TOR1AIP2: variants seen among roughly 807,000 people sequenced by gnomAD.
The protein encoded by TOR1AIP2 is torsin-1A-interacting protein 2.
Under a neutral mutation model 32.6 loss-of-function variants are expected in TOR1AIP2, and 20 were observed. The observed-to-expected ratio is 0.61, with a 90% CI of 0.43 to 0.89. The LOEUF (loss-of-function observed/expected upper bound fraction) is 0.89. TOR1AIP2 is among the 40% of genes least tolerant of loss of function. TOR1AIP2 has a pLI of 0.00. For synonymous variants in TOR1AIP2, 214 were observed against 210.8 expected, an observed-to-expected ratio of 1.02 and a Z score of -0.13; for missense variants, 456 against 553.8, an observed-to-expected ratio of 0.82 and a Z score of 1.77.
intron 3 of TOR1AIP2, chr1:179,859,711 G>A (rs1696443619): frequency 1.0e-5 from 10 of 985,310 alleles, no homozygotes; most frequent in Middle Eastern, 5.2e-4. Context: ...ATCTGCCTTC[G>A]GTCATCCATC....
chr1:179,862,667 C>G, intron 3 of TOR1AIP2: 2 of 985,112 alleles, frequency 2.0e-6, no homozygotes, highest in Non-Finnish European at 2.4e-6. Flanking sequence ...GGTGGCTATG[C>G]CTGTAATCCC....
chr1:179,850,671 C>G (rs996336991), intron 5 of TOR1AIP2, among the ~76,000 whole-genome samples, 174 bp downstream of exon 5: 1 of 152,198 alleles, frequency 6.6e-6, no homozygotes, highest in African/African-American at 2.4e-5. Context: ...AGATGAGAAA[C>G]CTCATTCTAA....
rs145396263 is a variant in TOR1AIP2 at position 179,870,223 on chromosome 1, C to T, written c.-565-4369G>A. ...CATCCTGGCTAACACATGGTGAAAC[C>T]CTGTCTCTACTAAAAATACAAAAAA... On this transcript the variant is annotated intron_variant, in intron 2 of 6. Transcript: ENST00000609928. Among the ~76,000 whole-genome samples, 1,405 of 152,152 alleles carry T rather than the reference C, an allele frequency of 9.2e-3. 19 individuals are homozygous for T. The highest frequency in any genetic ancestry group is 0.032 in the African/African-American group (1,339 of 41,506).
At chr1:179,865,019 T>A (rs538522565) in intron 3 of TOR1AIP2, 28 of 1,614,038 alleles carry the variant, frequency 1.7e-5, no homozygotes, top group Non-Finnish European at 1.0e-5. Context: ...ATTATCAGGA[T>A]AACACTCAGG....
chr1:179,857,619 T>A (rs1365654945), intron 3 of TOR1AIP2, among the ~76,000 whole-genome samples: 1 of 152,174 alleles, frequency 6.6e-6, no homozygotes, highest in East Asian at 1.9e-4. Context: ...TAGGTGACAT[T>A]GTGTGGTATA....
Position 179,850,882 on chromosome 1 carries a change from C to T in TOR1AIP2, c.516G>A (p.Glu172=), listed in dbSNP as rs1696089701. ...QSPGHSSAGQ[E]GEDTLRRRLL... is the part of the protein sequence containing the mutation. ...GTCGCCTCCTCAGTGTATCCTCACC[C>T]TCTTGCCCTGCACTGGAATGACCAG... The change falls in exon 5 of 7, where the codon GAG becomes GAA. Residue 172 remains glutamate (E), a synonymous_variant. Coordinates refer to ENST00000609928, the MANE Select transcript of TOR1AIP2 (RefSeq NM_001199260.2). 1 of 1,614,094 alleles carries T rather than the reference C, an allele frequency of 6.2e-7. No individual in the cohort carries two copies.
chr1:179,862,311 A>T (rs530064881), intron 3 of TOR1AIP2: 2 of 983,476 alleles, frequency 2.0e-6, no homozygotes, highest in African/African-American at 3.5e-5. Context: ...ATTTAGGGGC[A>T]ATAATACTGA....
intron 3 of TOR1AIP2, chr1:179,864,522 A>T (rs1485117751): frequency 8.5e-7 from 1 of 1,181,926 alleles, no homozygotes; most frequent in East Asian, 4.2e-5. Context: ...GTTAGTTCCA[A>T]AACAGTTTAT....
chr1:179,853,616 TTA>T (rs143577407), intron 3 of TOR1AIP2, among the ~76,000 whole-genome samples: 26 of 152,240 alleles, frequency 1.7e-4, no homozygotes, highest in African/African-American at 5.3e-4. Context: ...GTGTGAAGTG[TTA>T]TAGTTTTTTG....
chr1:179,860,332 A>T, intron 3 of TOR1AIP2: 1 of 752,262 alleles, frequency 1.3e-6, no homozygotes, highest in South Asian at 6.0e-5. Context: ...AAATAAAAAA[A>T]TTAGCTGGGC....
At chr1:179,868,339 C>T (rs1400815973) in intron 2 of TOR1AIP2, 1 of 152,144 alleles carries the variant, frequency 6.6e-6, no homozygotes, top group African/African-American at 2.4e-5. Context: ...AATATAAACT[C>T]CCTGAAAGCA....
intron 3 of TOR1AIP2, chr1:179,859,905 G>A: frequency 1.1e-6 from 1 of 880,804 alleles, no homozygotes; most frequent in South Asian, 5.2e-5. Flanking sequence ...ATAGCTCACT[G>A]CAGCCTCAAG....
At chr1:179,863,518 C>G (rs1308961729) in intron 3 of TOR1AIP2, 1 of 984,640 alleles carries the variant, frequency 1.0e-6, no homozygotes, top group East Asian at 1.1e-4. Context: ...AAAAAAAAAC[C>G]TAACGATAAA....
Position 179,865,637 on chromosome 1 carries a change from CT to C in TOR1AIP2, c.-349del, listed in dbSNP as rs1359773490. 6.4e-6 allele frequency: 1 copy of C among 155,900 alleles called. No individual in the cohort carries two copies. Among genetic ancestry groups the C allele is most frequent in the African/African-American group, 2.4e-5 (1 of 41,528 alleles). 9.7% of individuals were successfully genotyped at this position (155,900 alleles called of 1,614,324 possible). A position where few individuals can be genotyped will look rare whatever the true frequency, so the allele number is the denominator to read the frequency against. ...AGAGGAGCTGACAGGTCCAATGGGTCTTTTGTTGGCGCTGGCACTCTTGCCG... is the reference window on the plus strand; with the variant it reads ...AGAGGAGCTGACAGGTCCAATGGGTCTTTGTTGGCGCTGGCACTCTTGCCG... On this transcript the variant is annotated 5_prime_UTR_variant, in exon 3 of 7. Coordinates refer to ENST00000609928, the MANE Select transcript of TOR1AIP2 (RefSeq NM_001199260.2).
At position 179,865,547 on chromosome 1, in the gene TOR1AIP2, G is replaced by T. The variant is rs151147322; in HGVS notation, c.-258C>A. 4.7e-4 allele frequency: 85 copies of T among 179,164 alleles called. No homozygotes were observed. In the East Asian group the frequency reaches 0.012, roughly 26 times the overall value. The allele number at this position is 179,164 out of a possible 1,614,324, so 11.1% of individuals were successfully genotyped here. Reference sequence around the variant, plus strand: ...TTATGCGTCATCAGCTGCTGGTGGTGTCACACAGAGGCACTTGGCTTACTC... The same window carrying T: ...TTATGCGTCATCAGCTGCTGGTGGTTTCACACAGAGGCACTTGGCTTACTC... On this transcript the variant is annotated 5_prime_UTR_variant, in exon 3 of 7. Coordinates refer to ENST00000609928, the MANE Select transcript of TOR1AIP2 (RefSeq NM_001199260.2).
At chr1:179,863,656 C>T (rs1696644270) in intron 3 of TOR1AIP2, 1 of 953,886 alleles carries the variant, frequency 1.0e-6, no homozygotes, top group Admixed American at 8.7e-5. Context: ...CAGCAAGACT[C>T]TGTCACTATT....
chr1:179,849,009 G>A (rs1317541933), intron 5 of TOR1AIP2, among the ~76,000 whole-genome samples: 4 of 152,190 alleles, frequency 2.6e-5, no homozygotes, highest in African/African-American at 9.6e-5. Flanking sequence ...GGTGGCGGGT[G>A]CCTGTAGTCC....
At chr1:179,865,276 C>A (rs1696723421) in intron 3 of TOR1AIP2, 160 bp downstream of exon 3, 17 of 1,429,690 alleles carry the variant, frequency 1.2e-5, no homozygotes, top group Non-Finnish European at 1.6e-5. Flanking sequence ...GTTTCGTTTA[C>A]CAATTTCTTA....
At position 179,840,478 on chromosome 1, in the gene TOR1AIP2, ATTTATGGGCT is replaced by A. The variant is rs1329482989; in HGVS notation, c.*5583_*5592del. On this transcript the variant is annotated 3_prime_UTR_variant, in exon 7 of 7. Coordinates refer to ENST00000609928, the MANE Select transcript of TOR1AIP2 (RefSeq NM_001199260.2). ...AGACCATTTGCCAAAATAAGAACCA[ATTTATGGGCT>A]TTTCAAGACATCACAGCAAGCGGGC... is the stretch of plus-strand genomic sequence containing the variant. 3 of 152,224 alleles carry A rather than the reference ATTTATGGGCT, an allele frequency of 2.0e-5. No individual in the cohort carries two copies. Among genetic ancestry groups the A allele is most frequent in the Admixed American group, 2.0e-4 (3 of 15,286 alleles). The allele number at this position is 152,224 out of a possible 1,614,324, so 9.4% of individuals were successfully genotyped here.
Sources: gnomAD v4.1 joint callset for allele counts (sites outside exome capture counted in the v4.1 genomes callset) on GRCh38, gnomAD v4.1.1 for gene constraint, MANE v1.5 for transcripts, NCBI Gene and HGNC (gene_info 2026-07-23, HGNC 2026-07-21) for gene names.